Variants in DCP2 observed in about 807,000 individuals in gnomAD.
The protein encoded by DCP2 is decapping mRNA 2, also known as m7GpppN-mRNA hydrolase.
Under a neutral mutation model 56.1 loss-of-function variants are expected in DCP2, and 30 were observed. The ratio of observed to expected loss-of-function variants is 0.53; its 90% CI spans 0.40 to 0.73. The LOEUF (loss-of-function observed/expected upper bound fraction) is 0.73, where lower values mean the gene tolerates loss of function less well. DCP2 is among the 30% of genes least tolerant of loss of function. The probability of loss-of-function intolerance (pLI) is 0.00; values close to 1 mark genes in which losing one functional copy is unlikely to be tolerated. For missense variants in DCP2, 533 were observed against 502.7 expected (o/e 1.06, Z -0.58); for synonymous variants, 197 against 163.3 (o/e 1.21, Z -1.57).
Position 113,010,735 on chromosome 5 carries a change from G to GT in DCP2, c.1048-7dup, listed in dbSNP as rs61417979. 9,959 of 1,022,524 alleles carry GT rather than the reference G, an allele frequency of 9.7e-3. 12 individuals are homozygous for GT. The highest frequency in any genetic ancestry group is 0.026 in the African/African-American group (1,182 of 45,794). The allele number at this position is 1,022,524 out of a possible 1,614,324, so 63.3% of individuals were successfully genotyped here. A position where few individuals can be genotyped will look rare whatever the true frequency, so the allele number is the denominator to read the frequency against. Reference sequence around the variant, plus strand: ...CTGTGTTGTATGTGTGTGTGTGTGTGTTTTTTTTTTTTTTAAATAGAAGTG... The same window carrying GT: ...CTGTGTTGTATGTGTGTGTGTGTGTGTTTTTTTTTTTTTTTAAATAGAAGTG... On this transcript the variant is annotated intron_variant, in intron 9 of 10. Transcript: ENST00000389063.
chr5:112,985,958 G>A lies in DCP2; in HGVS notation c.177G>A (p.Gln59=), dbSNP rs1433590729. 1 of 1,579,336 alleles carries A rather than the reference G, an allele frequency of 6.3e-7. No homozygotes were observed. Among genetic ancestry groups the A allele is most frequent in the Non-Finnish European group, 8.7e-7 (1 of 1,153,894 alleles). ...TGCAGAACACACCAGGATTACCTCA[G>A]TGTGGGATAAGAGACTTTGCTAAAG... The part of the protein sequence containing the change: ...FYMQNTPGLP[Q]CGIRDFAKAV... The change falls in exon 2 of 11, where the codon CAG becomes CAA. Residue 59 remains glutamine (Q), a synonymous_variant. Coordinates refer to ENST00000389063, the MANE Select transcript of DCP2 (RefSeq NM_152624.6).
rs1436693385 is a variant in DCP2, at chr5:113,018,557, C to G, written c.*5073C>G. Reference sequence around the variant, plus strand: ...GTTTGTAATCTTGTCCCACATGGACCCTAACCTTTAGTAGACTTCAGTCTT... The same window carrying G: ...GTTTGTAATCTTGTCCCACATGGACGCTAACCTTTAGTAGACTTCAGTCTT... On this transcript the variant is annotated 3_prime_UTR_variant, in exon 11 of 11. Coordinates refer to ENST00000389063, the MANE Select transcript of DCP2 (RefSeq NM_152624.6). The G allele has an allele frequency of 6.6e-6, 1 of 152,114 alleles. No homozygotes were observed. Among genetic ancestry groups the G allele is most frequent in the Admixed American group, 6.6e-5 (1 of 15,254 alleles). The allele number at this position is 152,114 out of a possible 1,614,324, so 9.4% of individuals were successfully genotyped here.
At chr5:112,994,712 A>G (rs973301659) in intron 4 of DCP2, among the ~76,000 whole-genome samples, 3 of 152,198 alleles carry the variant, frequency 2.0e-5, no homozygotes, top group Non-Finnish European at 4.4e-5. Context: ...TATAAGGGAA[A>G]GCAGATTGGC....
At position 112,976,887 on chromosome 5, in the gene DCP2, C is replaced by T. The variant is rs1580783390; in HGVS notation, c.-47C>T. ...GTCCTAGTGCCGTACCGTCAGTCCC[C>T]GGCCGCGCGGAGCCGGGATGCACTG... On this transcript the variant is annotated 5_prime_UTR_variant, in exon 1 of 11. Transcript: ENST00000389063. 4 of 1,606,508 alleles carry T rather than the reference C, an allele frequency of 2.5e-6. No individual in the cohort carries two copies. Among genetic ancestry groups the T allele is most frequent in the African/African-American group, 2.7e-5 (2 of 74,888 alleles).
intron 9 of DCP2, 119 bp from the exon 10 acceptor site, chr5:113,010,637 C>A: frequency 8.8e-7 from 1 of 1,130,842 alleles, no homozygotes; most frequent in Non-Finnish European, 1.2e-6. Context: ...TGATTATATT[C>A]CTGGTTCAGT....
rs938704617 is a variant in DCP2 at position 113,020,798 on chromosome 5, T to C, written c.*7314T>C. ...TTATGCTCTAACTTTTTGAAAGCTT[T>C]TTGATGTAAATAATAGGTTAGAAAC... is the stretch of plus-strand genomic sequence containing the variant. On this transcript the variant is annotated 3_prime_UTR_variant, in exon 11 of 11. Coordinates refer to ENST00000389063, the MANE Select transcript of DCP2 (RefSeq NM_152624.6). 3.9e-5 allele frequency: 6 copies of C among 152,222 alleles called. No individual in the cohort carries two copies. Among genetic ancestry groups the C allele is most frequent in the African/African-American group, 1.4e-4 (6 of 41,446 alleles). 9.4% of individuals were successfully genotyped at this position (152,222 alleles called of 1,614,324 possible). A position where few individuals can be genotyped will look rare whatever the true frequency, so the allele number is the denominator to read the frequency against.
At position 113,014,145 on chromosome 5, in the gene DCP2, A is replaced by T. The variant is rs1461215909; in HGVS notation, c.*661A>T. 1 of 152,286 alleles carries T rather than the reference A, an allele frequency of 6.6e-6. No homozygotes were observed. Among genetic ancestry groups the T allele is most frequent in the Non-Finnish European group, 1.5e-5 (1 of 68,128 alleles). 9.4% of individuals were successfully genotyped at this position (152,286 alleles called of 1,614,324 possible). ...TGAGTGGATGGGAGCTGATGCTGTG[A>T]TTTTGAGCTGTGGTTACATGCAGTC... On this transcript the variant is annotated 3_prime_UTR_variant, in exon 11 of 11. Coordinates refer to ENST00000389063, the MANE Select transcript of DCP2 (RefSeq NM_152624.6).
At chr5:112,981,111 C>G (rs575918613) in intron 1 of DCP2, among the ~76,000 whole-genome samples, 23 of 152,184 alleles carry the variant, frequency 1.5e-4, no homozygotes, top group Non-Finnish European at 3.4e-4. Flanking sequence ...TGGACTCAAG[C>G]TATCCACTTG....
intron 4 of DCP2, among the ~76,000 whole-genome samples, chr5:112,993,856 C>CA (rs1748713509): frequency 6.6e-6 from 1 of 151,894 alleles, no homozygotes; most frequent in Admixed American, 6.6e-5. Flanking sequence ...GTATGTGTAT[C>CA]TATGTGTGTG....
chr5:113,011,966 T>A (rs574805005), intron 10 of DCP2, among the ~76,000 whole-genome samples: 2 of 152,368 alleles, frequency 1.3e-5, no homozygotes, highest in South Asian at 4.1e-4. Context: ...GGGTCTATTA[T>A]TTCTCCTCAT....
In DCP2 at chr5:113,000,944, C is replaced by G. The variant is rs570848110; in HGVS notation, c.433-140C>G. The G allele has an allele frequency of 2.6e-4, 229 of 875,924 alleles. 1 individual carries two copies. In the African/African-American group the frequency reaches 3.5e-3, roughly 13 times the overall value. 54.3% of individuals were successfully genotyped at this position (875,924 alleles called of 1,614,324 possible). ...CTTTTTTTACATCTCATATGCATTT[C>G]TGTACCAGCCTGTCATTTCTAGAAA... On this transcript the variant is annotated intron_variant, in intron 4 of 10. Coordinates refer to ENST00000389063, the MANE Select transcript of DCP2 (RefSeq NM_152624.6).
chr5:112,999,557 A>T (rs1749033223), intron 4 of DCP2, among the ~76,000 whole-genome samples: 1 of 150,004 alleles, frequency 6.7e-6, no homozygotes, highest in African/African-American at 2.5e-5. Context: ...CTAACTCCTG[A>T]CCTGGTGATT....
At chr5:112,992,848 C>T (rs999588519) in intron 4 of DCP2, 78 bp downstream of exon 4, 2 of 1,056,918 alleles carry the variant, frequency 1.9e-6, no homozygotes, top group Non-Finnish European at 2.6e-6. Context: ...TATAGACTTA[C>T]TTCTTTGGAC....
intron 1 of DCP2, among the ~76,000 whole-genome samples, chr5:112,982,827 A>G (rs1748074498): frequency 6.6e-6 from 1 of 152,190 alleles, no homozygotes; most frequent in Non-Finnish European, 1.5e-5. Flanking sequence ...TCAGTTAAAA[A>G]ACTTTCTTGT....
Position 112,985,898 on chromosome 5 carries a change from T to G in DCP2, c.117T>G (p.Ile39Met), listed in dbSNP as rs767937195. ...RDNAIRVCFQ[I>M]ELAHWFYLDF... ...ATGCAATCCGAGTGTGTTTTCAGAT[T>G]GAACTTGCCCATTGGTTTTACTTGG... is the stretch of plus-strand genomic sequence containing the variant. Residue 39 changes from isoleucine (I) to methionine (M), a missense_variant, in exon 2 of 11, where the codon ATT (isoleucine) becomes ATG (methionine). By Grantham distance (10) the Ile-to-Met change is conservative. Around this residue, in one of 3 missense-constraint regions of DCP2, gnomAD observed 137 missense variants for 138.2 expected, o/e 0.99. Transcript: ENST00000389063. The G allele has an allele frequency of 6.2e-7, 1 of 1,611,006 alleles. No homozygotes were observed. The highest frequency in any genetic ancestry group is 2.2e-5 in the East Asian group (1 of 44,824).
intron 10 of DCP2, among the ~76,000 whole-genome samples, chr5:113,013,095 T>A (rs528726883): frequency 6.6e-6 from 1 of 152,290 alleles, no homozygotes; most frequent in Non-Finnish European, 1.5e-5. Context: ...TCTTAATGGC[T>A]GAGATTAAGA....
At chr5:112,977,119 A>G in intron 1 of DCP2, 133 bp downstream of exon 1, 2 of 630,090 alleles carry the variant, frequency 3.2e-6, no homozygotes, top group Non-Finnish European at 2.6e-6. Flanking sequence ...CTCGCTTTCC[A>G]TCGTCGACCC....
chr5:113,010,960 C>CT (rs1326228719), intron 10 of DCP2, among the ~76,000 whole-genome samples, 153 bp downstream of exon 10: 3 of 152,122 alleles, frequency 2.0e-5, no homozygotes, highest in Admixed American at 2.0e-4. Flanking sequence ...GTAGAGTTCT[C>CT]TAAGAAACTG....
chr5:112,993,638 A>AC (rs1218968326), intron 4 of DCP2, among the ~76,000 whole-genome samples: 2 of 134,868 alleles, frequency 1.5e-5, no homozygotes, highest in South Asian at 5.1e-4. Context: ...AAAAAAAAAA[A>AC]ACCAAAAAAA....
Sources: gnomAD v4.1 joint callset for allele counts (sites outside exome capture counted in the v4.1 genomes callset) on GRCh38, gnomAD v4.1.1 for gene constraint, gnomAD v4.1.1 regional missense constraint, MANE v1.5 for transcripts, NCBI Gene and HGNC (gene_info 2026-07-23, HGNC 2026-07-21) for gene names.